The following JAK1 variants were observed in gnomAD, a reference collection of about 807,000 sequenced individuals.
JAK1 encodes the protein Janus kinase 1, also known as tyrosine-protein kinase JAK1.
JAK1 carries 16 observed loss-of-function variants against 136.6 expected under a neutral mutation model. That is an observed-to-expected ratio of 0.12 (90% CI 0.08 to 0.18). The LOEUF is 0.18. JAK1 is among the 10% of genes least tolerant of loss of function. The pLI is 1.00. For synonymous variants in JAK1, 492 were observed against 519.5 expected, an observed-to-expected ratio of 0.95 and a Z score of 0.72; for missense variants, 859 against 1,450.1, an observed-to-expected ratio of 0.59 and a Z score of 6.62.
intron 1 of JAK1, among the ~76,000 whole-genome samples, chr1:64,927,165 G>A (rs1411732748): frequency 6.6e-6 from 1 of 152,042 alleles, no homozygotes; most frequent in Non-Finnish European, 1.5e-5. Context: ...GTACCCTGAC[G>A]ACCCTATTAA....
At chr1:64,959,583 C>A (rs1002774796) in intron 1 of JAK1, among the ~76,000 whole-genome samples, 1 of 152,220 alleles carries the variant, frequency 6.6e-6, no homozygotes, top group African/African-American at 2.4e-5. Context: ...GAGGTCAACA[C>A]AGTATCTTCA....
chr1:64,869,178 T>A, intron 6 of JAK1, 133 bp downstream of exon 6: 1 of 746,460 alleles, frequency 1.3e-6, no homozygotes, highest in Non-Finnish European at 2.3e-6. Flanking sequence ...TAGTAAACAT[T>A]CTAAGGAAGA....
intron 2 of JAK1, among the ~76,000 whole-genome samples, chr1:65,010,450 T>C (rs1646839445): frequency 6.6e-6 from 1 of 152,130 alleles, no homozygotes; most frequent in African/African-American, 2.4e-5. Context: ...AGCAAGAAAC[T>C]AAAGCCTCCT....
chr1:64,925,465 C>G (rs374421672), intron 1 of JAK1, among the ~76,000 whole-genome samples: 8 of 152,126 alleles, frequency 5.3e-5, no homozygotes, highest in South Asian at 4.1e-4. Context: ...AAAAATAAAA[C>G]AAGAAGAAGA....
chr1:65,045,831 A>G (rs1647178355), intron 1 of JAK1, among the ~76,000 whole-genome samples: 1 of 152,186 alleles, frequency 6.6e-6, no homozygotes, highest in South Asian at 2.1e-4. Flanking sequence ...TATCCTCTTT[A>G]TAGCTCCTGG....
chr1:64,857,698 A>G lies in JAK1; in HGVS notation c.1416T>C (p.Phe472=). 5 of 1,614,188 alleles carry G rather than the reference A, an allele frequency of 3.1e-6. 1 individual carries two copies. In the South Asian group the frequency reaches 4.4e-5, roughly 14 times the overall value. The change falls in exon 10 of 25, where the codon TTT becomes TTC. Residue 472 remains phenylalanine, a synonymous_variant. Transcript: ENST00000342505. ...AGGTGACGGTCATGAGGATGTTGTC[A>G]AAGTCGGTGCAGCTCCACCTCAGCA... ...MYVLRWSCTD[F]DNILMTVTCF... is the part of the protein sequence containing the mutation.
chr1:64,996,672 C>T (rs773014562), intron 2 of JAK1, among the ~76,000 whole-genome samples: 2 of 152,132 alleles, frequency 1.3e-5, no homozygotes, highest in East Asian at 1.9e-4. Flanking sequence ...ATATGACCTG[C>T]GGTGATTTTT....
rs1459578413 is a variant in JAK1 at position 64,965,098 on chromosome 1, C to G, written c.-78+1235G>C. On this transcript the variant is annotated intron_variant, in intron 1 of 24. Transcript: ENST00000342505. Reference sequence around the variant, plus strand: ...ACTGTGCCTATACCCATATTTAACTCAAATCTTTTCTTCAAAAAATAAAAA... The same window carrying G: ...ACTGTGCCTATACCCATATTTAACTGAAATCTTTTCTTCAAAAAATAAAAA... 1.3e-4 allele frequency among the ~76,000 whole-genome samples: 19 copies of G among 151,818 alleles called. 1 individual carries two copies. Among genetic ancestry groups the G allele is most frequent in the Non-Finnish European group, 2.8e-4 (19 of 68,016 alleles).
upstream of JAK1, among the ~76,000 whole-genome samples, chr1:64,969,701 A>C (rs1239397168): frequency 6.6e-6 from 1 of 152,202 alleles, no homozygotes; most frequent in Non-Finnish European, 1.5e-5. Context: ...AGATGTGGCT[A>C]CTGAGGCAGA....
chr1:64,915,916 T>C (rs538398378), intron 1 of JAK1, among the ~76,000 whole-genome samples: 10 of 152,244 alleles, frequency 6.6e-5, no homozygotes, highest in African/African-American at 2.4e-4. Flanking sequence ...CCCTCTTCCC[T>C]GCAGCTCCAG....
At chr1:65,023,506 G>A (rs2100797458) in intron 2 of JAK1, among the ~76,000 whole-genome samples, 1 of 151,882 alleles carries the variant, frequency 6.6e-6, no homozygotes, top group East Asian at 1.9e-4. Flanking sequence ...CTCACTGAGG[G>A]AACCACTTTC....
intron 11 of JAK1, among the ~76,000 whole-genome samples, chr1:64,854,869 G>A (rs1655824823): frequency 1.3e-5 from 2 of 151,706 alleles, no homozygotes; most frequent in African/African-American, 2.4e-5. Context: ...CTGTTTGCAC[G>A]TGCCGAGATG....
At chr1:64,999,954 G>A (rs2100745006) in intron 2 of JAK1, among the ~76,000 whole-genome samples, 1 of 151,244 alleles carries the variant, frequency 6.6e-6, no homozygotes, top group East Asian at 1.9e-4. Flanking sequence ...ATTATAGAAA[G>A]TCTGGGAAAA....
intron 1 of JAK1, among the ~76,000 whole-genome samples, chr1:65,055,605 A>G (rs1647496489): frequency 6.6e-6 from 1 of 152,206 alleles, no homozygotes; most frequent in Non-Finnish European, 1.5e-5. Flanking sequence ...AATGTAACGA[A>G]TATACCAACC....
At position 64,833,235 on chromosome 1, in the gene JAK1, C is replaced by G. The variant is rs1654235427; in HGVS notation, c.*1327G>C. The G allele has an allele frequency of 4.5e-6, 1 of 221,150 alleles. No individual in the cohort carries two copies. The allele number at this position is 221,150 out of a possible 1,614,324, so 13.7% of individuals were successfully genotyped here. On this transcript the variant is annotated 3_prime_UTR_variant, in exon 25 of 25. Transcript: ENST00000342505. ...ATTAAAAGGCATATGCATGTAAAGT[C>G]TTTAGTATATTTATTTGTATAAAGA... is the stretch of plus-strand genomic sequence containing the variant.
intron 1 of JAK1, among the ~76,000 whole-genome samples, chr1:64,902,237 T>C (rs1645117237): frequency 6.6e-6 from 1 of 152,202 alleles, no homozygotes; most frequent in South Asian, 2.1e-4. Context: ...AACTGATGTG[T>C]ATTTTACTCC....
intron 1 of JAK1, among the ~76,000 whole-genome samples, chr1:64,941,476 GA>G (rs1645888628): frequency 6.6e-6 from 1 of 152,038 alleles, no homozygotes; most frequent in African/African-American, 2.4e-5. Flanking sequence ...GATTTATCTT[GA>G]CCAATCAAAT....
rs61683945 is a variant in JAK1, at chr1:64,850,253, G to A, written c.1755+551C>T. 5.9e-3 allele frequency among the ~76,000 whole-genome samples: 896 copies of A among 152,318 alleles called. 5 individuals carry two copies. The highest frequency in any genetic ancestry group is 0.019 in the African/African-American group (778 of 41,568). Reference sequence around the variant, plus strand: ...GCAACAGCTCCAGGGCAGCCCCTGGGGAGATCCTGGGCTCCCCGCTCAGCC... The same window carrying A: ...GCAACAGCTCCAGGGCAGCCCCTGGAGAGATCCTGGGCTCCCCGCTCAGCC... On this transcript the variant is annotated intron_variant, in intron 12 of 24. Coordinates refer to ENST00000342505, the MANE Select transcript of JAK1 (RefSeq NM_002227.4).
intron 1 of JAK1, among the ~76,000 whole-genome samples, chr1:64,931,753 G>C (rs1645697007): frequency 1.3e-5 from 2 of 152,030 alleles, no homozygotes; most frequent in South Asian, 4.2e-4. Flanking sequence ...CTATCGGGAG[G>C]CACTCTGGTA....
Sources: allele counts gnomAD v4.1 joint callset (sites outside exome capture counted in the v4.1 genomes callset), GRCh38; gene constraint gnomAD v4.1.1; transcripts MANE v1.5; gene names NCBI Gene and HGNC (gene_info 2026-07-23, HGNC 2026-07-21).